Variants in HTR1F observed in about 807,000 individuals in gnomAD.
The protein encoded by HTR1F is 5-hydroxytryptamine receptor 1F.
A neutral mutation model predicts 24.0 loss-of-function variants in HTR1F; 17 were observed. The ratio of observed to expected loss-of-function variants is 0.71; its 90% CI spans 0.48 to 1.06. The LOEUF (loss-of-function observed/expected upper bound fraction) is 1.06, where lower values mean the gene tolerates loss of function less well. HTR1F is among the 50% of genes least tolerant of loss of function. The pLI, the probability that HTR1F is intolerant of heterozygous loss-of-function variation, is 0.00. For synonymous variants in HTR1F, 186 were observed against 156.8 expected, an observed-to-expected ratio of 1.19 and a Z score of -1.39; for missense variants, 391 against 427.8, an observed-to-expected ratio of 0.91 and a Z score of 0.76.
intron 2 of HTR1F, among the ~76,000 whole-genome samples, chr3:87,865,348 T>A (rs1705404271): frequency 6.6e-6 from 1 of 152,106 alleles, no homozygotes. Flanking sequence ...AATGCACAGA[T>A]AACAAGTGTA....
chr3:87,854,919 TTTGTTGTTG>T (rs138657840), intron 2 of HTR1F, among the ~76,000 whole-genome samples: 1 of 151,968 alleles, frequency 6.6e-6, no homozygotes, highest in South Asian at 2.1e-4. Context: ...TTAAATATTT[TTTGTTGTTG>T]TTGTTGTTGC....
intron 2 of HTR1F, among the ~76,000 whole-genome samples, chr3:87,882,711 C>T (rs912295361): frequency 3.5e-5 from 3 of 84,676 alleles, no homozygotes; most frequent in East Asian, 6.4e-4. Context: ...GTTGTGGGGT[C>T]GGGGGAGGGG....
At chr3:87,886,400 A>C (rs886218856) in intron 2 of HTR1F, among the ~76,000 whole-genome samples, 24 of 152,292 alleles carry the variant, frequency 1.6e-4, no homozygotes, top group African/African-American at 5.3e-4. Flanking sequence ...AATGGGCAAA[A>C]ACTGGAAGCA....
intron 2 of HTR1F, among the ~76,000 whole-genome samples, chr3:87,983,013 C>T (rs1430930840): frequency 4.6e-5 from 7 of 152,026 alleles, no homozygotes; most frequent in Admixed American, 1.3e-4. Context: ...TTGGGGAGCA[C>T]GTGAATATAT....
At chr3:87,903,551 A>G (rs1268285659) in intron 2 of HTR1F, among the ~76,000 whole-genome samples, 2 of 151,392 alleles carry the variant, frequency 1.3e-5, no homozygotes, top group Non-Finnish European at 2.9e-5. Context: ...CCATCAGAGA[A>G]ATGCAAATCA....
At chr3:87,925,746 T>A (rs541426058) in intron 2 of HTR1F, among the ~76,000 whole-genome samples, 2 of 152,252 alleles carry the variant, frequency 1.3e-5, no homozygotes, top group African/African-American at 4.8e-5. Context: ...GTGATCTTTT[T>A]CTGTAGCTAT....
At chr3:87,921,876 T>G (rs531866077) in intron 2 of HTR1F, among the ~76,000 whole-genome samples, 1 of 152,068 alleles carries the variant, frequency 6.6e-6, no homozygotes, top group African/African-American at 2.4e-5. Flanking sequence ...TTATCCATGT[T>G]GCCAACAGTG....
At chr3:87,951,797 C>T (rs1704839877) in intron 2 of HTR1F, among the ~76,000 whole-genome samples, 1 of 151,980 alleles carries the variant, frequency 6.6e-6, no homozygotes. Context: ...AGAGTAGTTT[C>T]ACTGGCCTAA....
chr3:87,875,237 G>A (rs1705643899), intron 2 of HTR1F, among the ~76,000 whole-genome samples: 2 of 151,966 alleles, frequency 1.3e-5, no homozygotes, highest in Admixed American at 6.6e-5. Flanking sequence ...GATCACTTGA[G>A]GTCAGGAGTT....
At chr3:87,844,215 C>CAT (rs1704882065) in intron 2 of HTR1F, among the ~76,000 whole-genome samples, 1 of 151,778 alleles carries the variant, frequency 6.6e-6, no homozygotes, top group African/African-American at 2.4e-5. Flanking sequence ...TTAATGATTG[C>CAT]CATTCTAACT....
Position 87,992,128 on chromosome 3 carries a change from T to C in HTR1F, c.*278T>C, listed in dbSNP as rs1281127378. On this transcript the variant is annotated 3_prime_UTR_variant, in exon 3 of 3. Transcript: ENST00000319595. ...AAGCTAACTGGAAAAAATATATATA[T>C]ATACAATAGTAATGACAGTGATTTT... 1 of 203,146 alleles carries C rather than the reference T, an allele frequency of 4.9e-6. No homozygotes were observed. Among genetic ancestry groups the C allele is most frequent in the Non-Finnish European group, 1.1e-5 (1 of 92,100 alleles). The allele number at this position is 203,146 out of a possible 1,614,324, so 12.6% of individuals were successfully genotyped here.
At chr3:87,857,921 A>G (rs1291404988) in intron 2 of HTR1F, among the ~76,000 whole-genome samples, 1 of 152,192 alleles carries the variant, frequency 6.6e-6, no homozygotes, top group Non-Finnish European at 1.5e-5. Context: ...TGATAATAAT[A>G]ACACTATTAT....
At chr3:87,815,484 C>G (rs1038022469) in intron 1 of HTR1F, among the ~76,000 whole-genome samples, 1 of 152,018 alleles carries the variant, frequency 6.6e-6, no homozygotes, top group Admixed American at 6.6e-5. Flanking sequence ...TTTGAAGATG[C>G]ATACATTGTA....
At chr3:87,877,606 T>C (rs781119692) in intron 2 of HTR1F, among the ~76,000 whole-genome samples, 2 of 152,176 alleles carry the variant, frequency 1.3e-5, no homozygotes, top group Non-Finnish European at 2.9e-5. Flanking sequence ...ACTGTTATTA[T>C]TCCCATTACC....
At chr3:87,936,570 G>C (rs1268291384) in intron 2 of HTR1F, among the ~76,000 whole-genome samples, 1 of 152,052 alleles carries the variant, frequency 6.6e-6, no homozygotes, top group Non-Finnish European at 1.5e-5. Context: ...CCACAGACTG[G>C]AGGTAAAATC....
chr3:87,890,650 C>T lies in HTR1F; in HGVS notation c.-43+68526C>T, dbSNP rs144369467. ...TGTAAAACCACCTTAACTTAGTAAT[C>T]AAGATAAATACCGCCAGTAATGTCA... On this transcript the variant is annotated intron_variant, in intron 2 of 2. Transcript: ENST00000319595. Among the ~76,000 whole-genome samples the T allele has an allele frequency of 2.3e-3, 345 of 149,572 alleles. 1 individual carries two copies. The highest frequency in any genetic ancestry group is 8.0e-3 in the African/African-American group (327 of 40,634).
chr3:87,969,717 G>C (rs888293380), intron 2 of HTR1F, among the ~76,000 whole-genome samples: 3 of 152,192 alleles, frequency 2.0e-5, no homozygotes, highest in African/African-American at 7.2e-5. Flanking sequence ...CTGTTGAGAA[G>C]GCATGATTGG....
At chr3:87,865,030 A>G (rs1705396415) in intron 2 of HTR1F, among the ~76,000 whole-genome samples, 1 of 152,152 alleles carries the variant, frequency 6.6e-6, no homozygotes, top group African/African-American at 2.4e-5. Flanking sequence ...TACTGCCTTC[A>G]GGAAGTTTTG....
At chr3:87,855,121 A>C (rs1434105669) in intron 2 of HTR1F, among the ~76,000 whole-genome samples, 1 of 152,064 alleles carries the variant, frequency 6.6e-6, no homozygotes, top group Non-Finnish European at 1.5e-5. Context: ...TGGATGGTGC[A>C]ATGGCATCTT....
Sources: allele counts gnomAD v4.1 joint callset (sites outside exome capture counted in the v4.1 genomes callset), GRCh38; gene constraint gnomAD v4.1.1; transcripts MANE v1.5; gene names NCBI Gene and HGNC (gene_info 2026-07-23, HGNC 2026-07-21).